DDX3X: variants seen among roughly 807,000 people sequenced by gnomAD.
DDX3X encodes ATP-dependent RNA helicase DDX3X.
DDX3X carries 4 observed loss-of-function variants against 52.7 expected under a neutral mutation model. That is an observed-to-expected ratio of 0.08 (90% CI 0.04 to 0.17). The LOEUF is 0.17. Ranked by LOEUF, DDX3X falls within the 10% of genes least tolerant of loss-of-function variation. The pLI is 1.00. For synonymous variants in DDX3X, 192 were observed against 178.1 expected (o/e 1.08, Z -0.62); for missense variants, 222 against 548.6 (o/e 0.40, Z 5.95).
In DDX3X at chrX:41,348,290, A is replaced by G. The variant is rs2063951151; in HGVS notation, c.*571A>G. ...AAATGTCTTGAAGCATATTAATGGA[A>G]TTAGTTTCTAATGTGGCAAACTGTA... On this transcript the variant is annotated 3_prime_UTR_variant, in exon 17 of 17. Transcript: ENST00000644876. 8.0e-6 allele frequency: 1 copy of G among 125,062 alleles called. No individual in the cohort carries two copies. The highest frequency in any genetic ancestry group is 3.6e-4 in the South Asian group (1 of 2,806). 10.3% of individuals were successfully genotyped at this position (125,062 alleles called of 1,213,427 possible).
At chrX:41,342,692 T>TA (rs1569237168) in intron 5 of DDX3X, 39 bp downstream of exon 5, 2 of 1,208,735 alleles carry the variant, frequency 1.7e-6, no homozygotes, top group Non-Finnish European at 2.2e-6. Flanking sequence ...GATGAAGCCT[T>TA]ACTAGCTAGT....
At chrX:41,350,606 A>G (rs190259702), downstream of DDX3X, 2 of 111,325 alleles carry the variant, frequency 1.8e-5, no homozygotes, top group Admixed American at 1.9e-4. Context: ...AGTGATGGTA[A>G]GTATATACTT....
chrX:41,339,908 C>CTTTTTTT (rs11291103), intron 3 of DDX3X: 24 of 65,203 alleles, frequency 3.7e-4, no homozygotes, highest in African/African-American at 1.3e-3. Context: ...ATCACTTTGG[C>CTTTTTTT]TTTTTTTTTT....
rs762970098 is a variant in DDX3X at position 41,334,345 on chromosome X, CCT to C, written c.45+49_45+50del. 3.3e-5 allele frequency: 39 copies of C among 1,185,086 alleles called. 1 individual carries two copies. Among genetic ancestry groups the C allele is most frequent in the Non-Finnish European group, 3.8e-5 (33 of 875,387 alleles). On this transcript the variant is annotated intron_variant, in intron 1 of 16. Coordinates refer to ENST00000644876, the MANE Select transcript of DDX3X (RefSeq NM_001356.5). ...GGCTGGCTGCTGCGTGAATTCCTCC[CCT>C]GACCTAACCTGGCTAATGGCGCAGC...
chrX:41,341,778 G>GAT, intron 4 of DDX3X, 162 bp downstream of exon 4: 1 of 435,897 alleles, frequency 2.3e-6, no homozygotes, highest in Non-Finnish European at 3.8e-6. Context: ...TTAGAAATTA[G>GAT]ATGAAAATAG....
intron 5 of DDX3X, among the ~76,000 whole-genome samples, chrX:41,356,929 C>CTTTTTTT: frequency 1.8e-5 from 1 of 55,912 alleles, no homozygotes; most frequent in Non-Finnish European, 3.0e-5. Flanking sequence ...CACACTAATT[C>CTTTTTTT]TTTTTTTTTT....
chrX:41,342,477 ATTGC>A lies in DDX3X; in HGVS notation c.285-14_285-11del, dbSNP rs751523291. 36 of 1,207,596 alleles carry A rather than the reference ATTGC, an allele frequency of 3.0e-5. No homozygotes were observed. The highest frequency in any genetic ancestry group is 3.1e-5 in the Non-Finnish European group (28 of 893,082). ...TGGTTAAATGATATGATTCTGATTA[ATTGC>A]TTGTGCTGTTCAGGTTTGATGATCG... On this transcript the variant is annotated splice_polypyrimidine_tract_variant and intron_variant, in intron 4 of 16. Coordinates refer to ENST00000644876, the MANE Select transcript of DDX3X (RefSeq NM_001356.5).
chrX:41,360,519 C>T (rs966379368), intron 5 of DDX3X, among the ~76,000 whole-genome samples: 3 of 105,903 alleles, frequency 2.8e-5, no homozygotes, highest in Non-Finnish European at 2.0e-5. Context: ...CTCGGCTCAC[C>T]GCAACCTTTG....
At chrX:41,351,434 C>CT (rs751327973), downstream of DDX3X, 1 of 111,761 alleles carries the variant, frequency 8.9e-6, no homozygotes, top group South Asian at 3.7e-4. Flanking sequence ...GGAGCTGTGT[C>CT]TAACCTTCAT....
rs2275943 is a variant in DDX3X, at chrX:41,339,203, T to C, written c.151+120T>C. On this transcript the variant is annotated intron_variant, in intron 3 of 16. Coordinates refer to ENST00000644876, the MANE Select transcript of DDX3X (RefSeq NM_001356.5). ...ACATGGTGTTGTTTTTCTATGCTTC[T>C]GTCAGCCTTGGTTCAAATACTAGAG... 0.25 allele frequency: 75,715 copies of C among 303,514 alleles called. 7,877 individuals carry two copies. The highest frequency in any genetic ancestry group is 0.47 in the South Asian group (4,905 of 10,445). The allele number at this position is 303,514 out of a possible 1,213,427, so 25.0% of individuals were successfully genotyped here.
downstream of DDX3X, chrX:41,350,994 T>C (rs192160044): frequency 2.7e-5 from 3 of 112,158 alleles, no homozygotes; most frequent in East Asian, 8.4e-4. Context: ...AGTCATGAAC[T>C]CAAAATAAGC....
chrX:41,346,759 G>A (rs948466779), intron 14 of DDX3X, 100 bp from the exon 15 acceptor site: 29 of 942,044 alleles, frequency 3.1e-5, no homozygotes, highest in East Asian at 6.2e-5. Context: ...TAAATATTAC[G>A]TGGTAATATT....
Position 41,344,146 on chromosome X carries a change from T to G in DDX3X, c.864+18T>G. 1 of 1,189,436 alleles carries G rather than the reference T, an allele frequency of 8.4e-7. No individual in the cohort carries two copies. Among genetic ancestry groups the G allele is most frequent in the Non-Finnish European group, 1.1e-6 (1 of 881,786 alleles). ...CCAGAAAAGTAAGTATGAGTTCCAG[T>G]GATTATTAGCTTTTTCATTGATTCT... is the stretch of plus-strand genomic sequence containing the variant. On this transcript the variant is annotated intron_variant, in intron 9 of 16. Transcript: ENST00000644876.
chrX:41,346,072 A>G (rs1401909485), intron 12 of DDX3X, among the ~76,000 whole-genome samples, 157 bp from the exon 13 acceptor site: 1 of 111,129 alleles, frequency 9.0e-6, no homozygotes, highest in Non-Finnish European at 1.9e-5. Flanking sequence ...GATTACCTTT[A>G]TTACTTTTCC....
chrX:41,346,469 T>G, intron 13 of DDX3X, 36 bp from the exon 14 acceptor site: 1 of 1,191,252 alleles, frequency 8.4e-7, no homozygotes, highest in Non-Finnish European at 1.1e-6. Flanking sequence ...TTGTTTTCTT[T>G]TAAGTGGGCC....
chrX:41,346,761 G>A (rs1374303030), intron 14 of DDX3X, 98 bp from the exon 15 acceptor site: 1 of 936,315 alleles, frequency 1.1e-6, no homozygotes, highest in Non-Finnish European at 1.5e-6. Context: ...AATATTACGT[G>A]GTAATATTTT....
rs763165535 is a variant in DDX3X, at chrX:41,349,087, G to T, written c.*1368G>T. The stretch of plus-strand genomic sequence containing the variant: ...GTGGCCAGAATGCGGTGATCAAAAC[G>T]CTCCATCTTTTTACAGTGGCATAGG... On this transcript the variant is annotated 3_prime_UTR_variant, in exon 17 of 17. Transcript: ENST00000644876. 8.9e-6 allele frequency: 1 copy of T among 112,123 alleles called. No homozygotes were observed. Among genetic ancestry groups the T allele is most frequent in the African/African-American group, 3.2e-5 (1 of 30,840 alleles). The allele number at this position is 112,123 out of a possible 1,213,427, so 9.2% of individuals were successfully genotyped here.
chrX:41,349,313 T>TTA lies in DDX3X; in HGVS notation c.*1602_*1603dup, dbSNP rs1397559593. The TTA allele has an allele frequency of 2.7e-5, 3 of 111,900 alleles. No individual in the cohort carries two copies. Among genetic ancestry groups the TTA allele is most frequent in the African/African-American group, 9.8e-5 (3 of 30,669 alleles). The allele number at this position is 111,900 out of a possible 1,213,427, so 9.2% of individuals were successfully genotyped here. On this transcript the variant is annotated 3_prime_UTR_variant, in exon 17 of 17. Transcript: ENST00000644876. ...TCTTTTATTGCACATTCAGAGAATT[T>TTA]TATATATATGTCTTGTGTGCGTGTC...
At chrX:41,337,374 C>T in intron 1 of DDX3X, 34 bp from the exon 2 acceptor site, 2 of 1,167,669 alleles carry the variant, frequency 1.7e-6, no homozygotes, top group Non-Finnish European at 2.3e-6. Context: ...AGTATTTGAG[C>T]ACATGGGGTG....
Sources: allele counts gnomAD v4.1 joint callset (sites outside exome capture counted in the v4.1 genomes callset), GRCh38; gene constraint gnomAD v4.1.1; transcripts MANE v1.5; gene names NCBI Gene and HGNC (gene_info 2026-07-23, HGNC 2026-07-21).